The following SLC30A6 variants were observed in gnomAD, a reference collection of about 807,000 sequenced individuals.
SLC30A6 encodes the protein solute carrier family 30 member 6, also known as zinc transporter 6.
SLC30A6 carries 55 observed loss-of-function variants against 63.0 expected under a neutral mutation model. The observed-to-expected ratio is 0.87, with a 90% CI of 0.70 to 1.09. SLC30A6 has a LOEUF of 1.09. SLC30A6 is among the 50% of genes least tolerant of loss of function. The pLI is 0.00. For synonymous variants in SLC30A6, 224 were observed against 186.1 expected (o/e 1.20, Z -1.66); for missense variants, 587 against 549.2 (o/e 1.07, Z -0.69).
chr2:32,171,184 T>C lies in SLC30A6; in HGVS notation c.4-103T>C. ...TGCTTGATGTATATTGAGTACTTAA[T>C]AAATATTGGTTATTTATATCATAGG... On this transcript the variant is annotated intron_variant, in intron 1 of 13. Transcript: ENST00000282587. 6 of 863,454 alleles carry C rather than the reference T, an allele frequency of 6.9e-6. No homozygotes were observed. In the East Asian group the frequency reaches 1.3e-4, roughly 19 times the overall value. 53.5% of individuals were successfully genotyped at this position (863,454 alleles called of 1,614,324 possible).
intron 13 of SLC30A6, among the ~76,000 whole-genome samples, chr2:32,219,783 C>T (rs1478655143): frequency 6.6e-6 from 1 of 152,158 alleles, no homozygotes; most frequent in East Asian, 1.9e-4. Flanking sequence ...ACCAAGTATG[C>T]CATACATTTT....
At chr2:32,172,648 C>G (rs1486361498) in intron 2 of SLC30A6, among the ~76,000 whole-genome samples, 3 of 152,196 alleles carry the variant, frequency 2.0e-5, no homozygotes, top group Non-Finnish European at 4.4e-5. Context: ...TGAATGTAAC[C>G]TGAGAGAAAC....
intron 13 of SLC30A6, among the ~76,000 whole-genome samples, chr2:32,210,515 CAAAAAAAAAAAA>C (rs3040860): frequency 1.1e-5 from 1 of 89,206 alleles, no homozygotes; most frequent in Admixed American, 1.5e-4. Context: ...ACTCTGTCTC[CAAAAAAAAAAAA>C]AAAAAAAAAA....
intron 4 of SLC30A6, among the ~76,000 whole-genome samples, chr2:32,181,078 A>T (rs758211733): frequency 6.6e-6 from 1 of 152,226 alleles, no homozygotes; most frequent in Non-Finnish European, 1.5e-5. Flanking sequence ...TTTTACAAAG[A>T]GGTGTAGAAA....
chr2:32,177,484 G>T, intron 4 of SLC30A6: 1 of 248,914 alleles, frequency 4.0e-6, no homozygotes, highest in South Asian at 3.2e-5. Flanking sequence ...TAGAGACGGG[G>T]TTTCACCATT....
intron 5 of SLC30A6, 138 bp from the exon 6 acceptor site, chr2:32,192,198 G>C (rs1573329089): frequency 1.5e-6 from 1 of 655,022 alleles, no homozygotes; most frequent in South Asian, 2.0e-5. Context: ...ACCCTAATCT[G>C]CTCTAACAGT....
chr2:32,171,452 A>G (rs1232181831), intron 2 of SLC30A6, 79 bp downstream of exon 2: 6 of 1,118,220 alleles, frequency 5.4e-6, no homozygotes, highest in South Asian at 3.9e-5. Flanking sequence ...TTTTAAGGCC[A>G]ATAGAAATCA....
In SLC30A6 at chr2:32,220,472, G is replaced by C. The variant is rs1686073552; in HGVS notation, c.1145G>C (p.Ser382Thr). 1 of 1,614,010 alleles carries C rather than the reference G, an allele frequency of 6.2e-7. No individual in the cohort carries two copies. The highest frequency in any genetic ancestry group is 8.5e-7 in the Non-Finnish European group (1 of 1,180,028). ...ACATCAACTCCAGCTAAACCTAGTA[G>C]TCCACCTCCAGAATTTTCATTTAAC... Reference protein sequence around the residue: ...PVTSTPAKPSSPPPEFSFNTP... With the variant: ...PVTSTPAKPSTPPPEFSFNTP... Residue 382 changes from serine to threonine, a missense_variant, in exon 14 of 14, where the codon AGT becomes ACT. By Grantham distance (58) the Ser-to-Thr change is moderately conservative. Transcript: ENST00000282587.
Position 32,221,569 on chromosome 2 carries a change from T to G in SLC30A6, c.*856T>G, listed in dbSNP as rs1269852945. The G allele has an allele frequency of 2.0e-5, 3 of 152,242 alleles. No homozygotes were observed. The highest frequency in any genetic ancestry group is 7.2e-5 in the African/African-American group (3 of 41,466). 9.4% of individuals were successfully genotyped at this position (152,242 alleles called of 1,614,324 possible). A position where few individuals can be genotyped will look rare whatever the true frequency, so the allele number is the denominator to read the frequency against. On this transcript the variant is annotated 3_prime_UTR_variant, in exon 14 of 14. Transcript: ENST00000282587. Reference sequence around the variant, plus strand: ...AGTCTCTTTTATAGCTTTTCCAAACTTAATTGCTAAATTTTTCTTTGAGGT... The same window carrying G: ...AGTCTCTTTTATAGCTTTTCCAAACGTAATTGCTAAATTTTTCTTTGAGGT...
intron 4 of SLC30A6, among the ~76,000 whole-genome samples, chr2:32,181,281 A>G (rs1204576088): frequency 6.6e-6 from 1 of 152,234 alleles, no homozygotes; most frequent in Non-Finnish European, 1.5e-5. Flanking sequence ...TTAGATGCCA[A>G]CAGTTTTAAG....
At chr2:32,167,278 T>C (rs1165748835) in intron 1 of SLC30A6, among the ~76,000 whole-genome samples, 1 of 152,120 alleles carries the variant, frequency 6.6e-6, no homozygotes, top group Non-Finnish European at 1.5e-5. Flanking sequence ...TTTCTCCATG[T>C]TGGTCAGGCT....
At position 32,224,200 on chromosome 2, in the gene SLC30A6, T is replaced by C; in HGVS notation, c.*3487T>C. ...AGAATATTGTTGAGAATCTCTTACA[T>C]GCCAGGCACTATACTAAGTTAATAT... On this transcript the variant is annotated 3_prime_UTR_variant, in exon 14 of 14. Coordinates refer to ENST00000282587, the MANE Select transcript of SLC30A6 (RefSeq NM_017964.5). 3.4e-6 allele frequency: 1 copy of C among 298,298 alleles called. No individual in the cohort carries two copies. Among genetic ancestry groups the C allele is most frequent in the Non-Finnish European group, 6.2e-6 (1 of 162,118 alleles). The allele number at this position is 298,298 out of a possible 1,614,324, so 18.5% of individuals were successfully genotyped here.
intron 5 of SLC30A6, among the ~76,000 whole-genome samples, chr2:32,187,724 T>C (rs1467292505): frequency 6.6e-6 from 1 of 152,212 alleles, no homozygotes. Flanking sequence ...AACCTATTCC[T>C]TTGTAGTTTT....
chr2:32,206,931 G>T lies in SLC30A6; in HGVS notation c.814G>T (p.Glu272Ter). 1 of 1,605,992 alleles carries T rather than the reference G, an allele frequency of 6.2e-7. No individual in the cohort carries two copies. Among genetic ancestry groups the T allele is most frequent in the Admixed American group, 1.7e-5 (1 of 59,984 alleles). The change falls in exon 12 of 14, where the codon GAG becomes TAG. Residue 272 changes from glutamate to a stop codon, truncating the protein, a stop_gained and splice_region_variant. Coordinates refer to ENST00000282587, the MANE Select transcript of SLC30A6 (RefSeq NM_017964.5). LOFTEE classifies it high-confidence loss of function. ...TGGTCAGTTGGACAAACTCATCAGAGAGGTAAGATGGAATAGTAAATAAAA... is the reference window on the plus strand; with the variant it reads ...TGGTCAGTTGGACAAACTCATCAGATAGGTAAGATGGAATAGTAAATAAAA... Reference protein sequence around the residue: ...VIGQLDKLIREVSTLDGVLEV... With the variant: ...VIGQLDKLIR
chr2:32,212,486 TG>T (rs771867115), intron 13 of SLC30A6, among the ~76,000 whole-genome samples: 2 of 151,884 alleles, frequency 1.3e-5, no homozygotes, highest in Non-Finnish European at 2.9e-5. Context: ...TTTAGGGTAG[TG>T]TGTACAAATT....
intron 10 of SLC30A6, 91 bp from the exon 11 acceptor site, chr2:32,204,499 G>A: frequency 1.3e-6 from 1 of 762,590 alleles, no homozygotes. Context: ...GCTCAGTCCT[G>A]TTGCTTTAGA....
chr2:32,166,053 A>C, intron 1 of SLC30A6, 150 bp downstream of exon 1: 2 of 1,151,974 alleles, frequency 1.7e-6, no homozygotes, highest in Non-Finnish European at 2.6e-6. Flanking sequence ...CTGTCTCCCA[A>C]AATGTTCCCC....
intron 6 of SLC30A6, 111 bp downstream of exon 6, chr2:32,192,527 G>T (rs1683422762): frequency 2.3e-6 from 2 of 857,030 alleles, no homozygotes; most frequent in Non-Finnish European, 3.7e-6. Context: ...AGATGAGCAG[G>T]GCTGGAGTTT....
intron 1 of SLC30A6, 142 bp from the exon 2 acceptor site, chr2:32,171,145 G>A (rs1212825524): frequency 1.8e-6 from 1 of 570,624 alleles, no homozygotes; most frequent in Non-Finnish European, 3.1e-6. Context: ...TACACATAAA[G>A]TGTCTAGAAT....
Sources: allele counts gnomAD v4.1 joint callset (sites outside exome capture counted in the v4.1 genomes callset), GRCh38; gene constraint gnomAD v4.1.1; transcripts MANE v1.5; gene names NCBI Gene and HGNC (gene_info 2026-07-23, HGNC 2026-07-21).